PTPRD: variants seen among roughly 807,000 people sequenced by gnomAD.
PTPRD encodes the protein protein tyrosine phosphatase receptor type D.
A neutral mutation model predicts 214.5 loss-of-function variants in PTPRD; 34 were observed. The ratio of observed to expected loss-of-function variants is 0.16; its 90% CI spans 0.12 to 0.21. PTPRD has a LOEUF of 0.21. Ranked by LOEUF, PTPRD falls within the 10% of genes least tolerant of loss-of-function variation. The pLI is 1.00. For synonymous variants in PTPRD, 1,128 were observed against 845.7 expected, an observed-to-expected ratio of 1.33 and a Z score of -5.79; for missense variants, 2,545 against 2,398.7, an observed-to-expected ratio of 1.06 and a Z score of -1.27.
intron 3 of PTPRD, among the ~76,000 whole-genome samples, chr9:10,043,508 T>C (rs561547220): frequency 3.5e-4 from 53 of 151,920 alleles, no homozygotes; most frequent in African/African-American, 1.3e-3. Context: ...TGAAACTCTA[T>C]GGGATTCAGA....
In PTPRD at chr9:8,870,681, A is replaced by C. The variant is rs966970346; in HGVS notation, c.-103-136735T>G. 6.2e-5 allele frequency among the ~76,000 whole-genome samples: 5 copies of C among 81,046 alleles called. No homozygotes were observed. The South Asian group carries it at 2.4e-3, about 39-fold the overall frequency. 53.2% of individuals were successfully genotyped at this position (81,046 alleles called of 152,430 possible). On this transcript the variant is annotated intron_variant, in intron 11 of 45. Transcript: ENST00000381196. Reference sequence around the variant, plus strand: ...TAGAAAACAGGGTTATAAGACACAGACATGAAACACACACACACACACACA... The same window carrying C: ...TAGAAAACAGGGTTATAAGACACAGCCATGAAACACACACACACACACACA...
In PTPRD at chr9:9,976,920, C is replaced by A. The variant is rs553298494; in HGVS notation, c.-471-38310G>T. 4.6e-5 allele frequency among the ~76,000 whole-genome samples: 7 copies of A among 151,922 alleles called. No homozygotes were observed. The South Asian group carries it at 1.5e-3, about 32-fold the overall frequency. ...AAATTTGATTTGGCGATTGGTTTGG[C>A]AATAAGGATTAACTTTGCTGTTGAA... On this transcript the variant is annotated intron_variant, in intron 4 of 45. Coordinates refer to ENST00000381196, the MANE Select transcript of PTPRD (RefSeq NM_002839.4).
intron 2 of PTPRD, among the ~76,000 whole-genome samples, chr9:10,572,868 G>A (rs1039492874): frequency 4.0e-5 from 6 of 151,876 alleles, no homozygotes; most frequent in African/African-American, 4.8e-5. Flanking sequence ...AATTTGCCCC[G>A]TTTCTTTTTT....
At chr9:8,947,057 A>T (rs1588624153) in intron 11 of PTPRD, among the ~76,000 whole-genome samples, 3 of 107,194 alleles carry the variant, frequency 2.8e-5, no homozygotes, top group Admixed American at 1.1e-4. Context: ...GTGTGTCTCG[A>T]TCTTCCTCCG....
chr9:9,214,927 T>C (rs2099951170), intron 9 of PTPRD, among the ~76,000 whole-genome samples: 1 of 152,162 alleles, frequency 6.6e-6, no homozygotes, highest in Admixed American at 6.5e-5. Flanking sequence ...AGTTGTACAA[T>C]GGAAGAACTA....
intron 11 of PTPRD, among the ~76,000 whole-genome samples, chr9:9,000,240 G>A (rs1281771844): frequency 6.6e-6 from 1 of 152,022 alleles, no homozygotes; most frequent in Non-Finnish European, 1.5e-5. Context: ...CGGCAGTCCT[G>A]CTACCATCCA....
intron 10 of PTPRD, among the ~76,000 whole-genome samples, chr9:9,094,740 A>G (rs1002836496): frequency 6.6e-6 from 1 of 152,224 alleles, no homozygotes; most frequent in Non-Finnish European, 1.5e-5. Flanking sequence ...TTCATAAAAT[A>G]TTTAACAACA....
chr9:8,499,503 C>T (rs2097348509), intron 25 of PTPRD, 144 bp downstream of exon 25: 12 of 719,760 alleles, frequency 1.7e-5, no homozygotes, highest in Non-Finnish European at 2.6e-5. Flanking sequence ...TTGAAAAGAT[C>T]AATATACATC....
At chr9:10,597,021 G>A (rs962235891) in intron 2 of PTPRD, among the ~76,000 whole-genome samples, 3 of 151,218 alleles carry the variant, frequency 2.0e-5, no homozygotes, top group African/African-American at 7.3e-5. Flanking sequence ...ATCTTTGTGT[G>A]ATGGTTATTA....
intron 5 of PTPRD, among the ~76,000 whole-genome samples, chr9:9,908,283 G>C (rs187224227): frequency 6.6e-6 from 1 of 152,012 alleles, no homozygotes; most frequent in African/African-American, 2.4e-5. Context: ...TCATCTGAGA[G>C]TTCTTCCACA....
chr9:9,205,262 A>G (rs2099944135), intron 9 of PTPRD, among the ~76,000 whole-genome samples: 1 of 152,194 alleles, frequency 6.6e-6, no homozygotes, highest in Non-Finnish European at 1.5e-5. Context: ...AAGTAAACAC[A>G]TTTAATTCAG....
intron 3 of PTPRD, among the ~76,000 whole-genome samples, chr9:10,247,006 TACTC>T (rs1179778897): frequency 1.1e-4 from 16 of 152,104 alleles, no homozygotes; most frequent in Admixed American, 9.8e-4. Flanking sequence ...ACAAACTAAA[TACTC>T]ACTAACTTTG....
chr9:9,494,615 G>A (rs529895309), intron 8 of PTPRD, among the ~76,000 whole-genome samples: 31 of 152,304 alleles, frequency 2.0e-4, no homozygotes, highest in Non-Finnish European at 3.8e-4. Context: ...TGGGAATCAA[G>A]GAGGTGGAAA....
At chr9:8,717,096 T>C (rs983539486) in intron 12 of PTPRD, among the ~76,000 whole-genome samples, 3 of 151,934 alleles carry the variant, frequency 2.0e-5, no homozygotes, top group African/African-American at 7.3e-5. Context: ...AAGGCAGGGG[T>C]TGCACCTGTA....
chr9:8,969,710 G>A (rs1243238648), intron 11 of PTPRD, among the ~76,000 whole-genome samples: 1 of 151,898 alleles, frequency 6.6e-6, no homozygotes, highest in Non-Finnish European at 1.5e-5. Flanking sequence ...ATGGATCGAT[G>A]GGTAAATAAA....
chr9:8,936,313 A>AG (rs35083991), intron 11 of PTPRD: 22,833 of 147,936 alleles, frequency 0.15, 2,430 homozygotes, highest in East Asian at 0.52. Flanking sequence ...GGGGGTTGGC[A>AG]GGGGGTGGTG....
intron 2 of PTPRD, among the ~76,000 whole-genome samples, chr9:10,356,640 T>C (rs2097283339): frequency 1.3e-5 from 2 of 152,184 alleles, no homozygotes; most frequent in Non-Finnish European, 2.9e-5. Context: ...GTAGTGGTTT[T>C]CCAAACATTA....
At chr9:8,757,485 T>G (rs1262714004) in intron 11 of PTPRD, among the ~76,000 whole-genome samples, 1 of 151,868 alleles carries the variant, frequency 6.6e-6, no homozygotes, top group Non-Finnish European at 1.5e-5. Context: ...AAGAAGGAAT[T>G]AAGATGTGAG....
chr9:8,618,771 A>C (rs2095697857), intron 14 of PTPRD, among the ~76,000 whole-genome samples: 1 of 151,714 alleles, frequency 6.6e-6, no homozygotes, highest in Admixed American at 6.6e-5. Context: ...ATCTTGACTC[A>C]CTGTAACTTC....
Sources: allele counts gnomAD v4.1 joint callset (sites outside exome capture counted in the v4.1 genomes callset), GRCh38; gene constraint gnomAD v4.1.1; transcripts MANE v1.5; gene names NCBI Gene and HGNC (gene_info 2026-07-23, HGNC 2026-07-21).